The following PDZD2 variants were observed in gnomAD, a reference collection of about 807,000 sequenced individuals.
PDZD2 encodes PDZ domain-containing protein 2.
A neutral mutation model predicts 220.7 loss-of-function variants in PDZD2; 90 were observed. That is an observed-to-expected ratio of 0.41 (90% CI 0.34 to 0.49). PDZD2 has a LOEUF of 0.49. PDZD2 is among the 20% of genes least tolerant of loss of function. PDZD2 has a pLI of 0.28. For missense variants in PDZD2, 3,174 were observed against 3,608.5 expected (o/e 0.88, Z 3.08); for synonymous variants, 1,375 against 1,450.5 (o/e 0.95, Z 1.18).
chr5:32,037,162 T>C (rs1755623218), intron 6 of PDZD2, 69 bp from the exon 7 acceptor site: 1 of 936,614 alleles, frequency 1.1e-6, no homozygotes, highest in Non-Finnish European at 1.7e-6. Context: ...GATAACATTG[T>C]GGAGGGGGAC....
rs375967828 is a variant in PDZD2, at chr5:31,927,940, T to A, written c.477-55215T>A. 2.3e-4 allele frequency among the ~76,000 whole-genome samples: 35 copies of A among 152,212 alleles called. 1 individual carries two copies. In the East Asian group the frequency reaches 4.8e-3, roughly 21 times the overall value. On this transcript the variant is annotated intron_variant, in intron 2 of 24. Coordinates refer to ENST00000438447, the MANE Select transcript of PDZD2 (RefSeq NM_178140.4). ...TTCACAGGGTGACTCATTGCCTTCCTCCATCTTCACCAAGATGGCTCCTTC... is the reference window on the plus strand; with the variant it reads ...TTCACAGGGTGACTCATTGCCTTCCACCATCTTCACCAAGATGGCTCCTTC...
intron 19 of PDZD2, among the ~76,000 whole-genome samples, chr5:32,084,036 C>T (rs1485086406): frequency 6.6e-6 from 1 of 152,134 alleles, no homozygotes; most frequent in Non-Finnish European, 1.5e-5. Context: ...TTGCTACTCC[C>T]CACCACCACC....
At chr5:31,683,207 T>TA (rs35467814) in intron 1 of PDZD2, among the ~76,000 whole-genome samples, 28,697 of 128,824 alleles carry the variant, frequency 0.22, 3,406 homozygotes, top group African/African-American at 0.29. Flanking sequence ...ATCAGAATGT[T>TA]AAAAAAAAAA....
intron 2 of PDZD2, among the ~76,000 whole-genome samples, chr5:31,858,033 C>G (rs1307754193): frequency 6.6e-6 from 1 of 152,140 alleles, no homozygotes; most frequent in Non-Finnish European, 1.5e-5. Flanking sequence ...ACTGTGTTGG[C>G]TAGGCTGGTC....
chr5:31,745,656 T>G (rs1416028669), intron 1 of PDZD2, among the ~76,000 whole-genome samples: 1 of 152,174 alleles, frequency 6.6e-6, no homozygotes, highest in Non-Finnish European at 1.5e-5. Context: ...CCTTCCTGTT[T>G]TAGCATCTTC....
intron 6 of PDZD2, among the ~76,000 whole-genome samples, chr5:32,019,133 G>A (rs1753996264): frequency 1.5e-5 from 2 of 131,056 alleles, no homozygotes; most frequent in African/African-American, 2.7e-5. Flanking sequence ...CATTTGCATA[G>A]AAAAGCTTTT....
intron 2 of PDZD2, among the ~76,000 whole-genome samples, chr5:31,865,719 C>T (rs1212723117): frequency 4.3e-4 from 64 of 147,864 alleles, no homozygotes; most frequent in Middle Eastern, 6.9e-3. Context: ...CTGCAAGCTC[C>T]GCCTCCCGGG....
intron 1 of PDZD2, among the ~76,000 whole-genome samples, chr5:31,712,963 A>C (rs1748215216): frequency 6.6e-6 from 1 of 152,208 alleles, no homozygotes; most frequent in South Asian, 2.1e-4. Context: ...TGTTCCTTGC[A>C]TTCTGTAGTA....
At chr5:31,761,049 G>A (rs981638646) in intron 1 of PDZD2, among the ~76,000 whole-genome samples, 1 of 152,184 alleles carries the variant, frequency 6.6e-6, no homozygotes, top group Non-Finnish European at 1.5e-5. Context: ...ACTCCGTGTG[G>A]GGAGGGGCAC....
At chr5:32,069,529 AAAT>A in intron 14 of PDZD2, 37 bp from the exon 15 acceptor site, 1 of 1,160,674 alleles carries the variant, frequency 8.6e-7, no homozygotes, top group Non-Finnish European at 1.3e-6. Context: ...AGAAATAAAT[AAAT>A]AAAACCATCT....
chr5:32,015,370 C>T (rs530595618), intron 6 of PDZD2, among the ~76,000 whole-genome samples: 17 of 152,288 alleles, frequency 1.1e-4, no homozygotes, highest in African/African-American at 4.1e-4. Flanking sequence ...CCTCAGCCTC[C>T]TGAGTAGCTG....
chr5:31,845,176 G>A (rs971405652), intron 2 of PDZD2, among the ~76,000 whole-genome samples: 1 of 152,152 alleles, frequency 6.6e-6, no homozygotes, highest in Non-Finnish European at 1.5e-5. Flanking sequence ...GGAAGGGTGT[G>A]TAAAATACCT....
At chr5:31,762,489 T>C (rs1405854995) in intron 1 of PDZD2, among the ~76,000 whole-genome samples, 1 of 152,196 alleles carries the variant, frequency 6.6e-6, no homozygotes, top group African/African-American at 2.4e-5. Flanking sequence ...GGTTTCACCA[T>C]GTTGGTCAGG....
chr5:31,826,989 A>G (rs1022169767), intron 2 of PDZD2, among the ~76,000 whole-genome samples: 2 of 152,170 alleles, frequency 1.3e-5, no homozygotes, highest in Admixed American at 6.5e-5. Flanking sequence ...TATGCCAAAT[A>G]GTGTGTCTGT....
At chr5:31,950,005 G>A (rs1420712383) in intron 2 of PDZD2, among the ~76,000 whole-genome samples, 1 of 152,056 alleles carries the variant, frequency 6.6e-6, no homozygotes, top group Non-Finnish European at 1.5e-5. Flanking sequence ...TTTAATGCCA[G>A]AACTGCATCA....
chr5:31,794,729 A>T (rs187600223), intron 1 of PDZD2, among the ~76,000 whole-genome samples: 221 of 151,936 alleles, frequency 1.5e-3, no homozygotes, highest in African/African-American at 3.9e-3. Flanking sequence ...CTTTTAAAAA[A>T]TTTTTTTTTA....
At chr5:31,844,026 G>T (rs1167628053) in intron 2 of PDZD2, 1 of 152,184 alleles carries the variant, frequency 6.6e-6, no homozygotes, top group Non-Finnish European at 1.5e-5. Context: ...ATTTCCTAGA[G>T]TTGGAGAACA....
At chr5:31,845,122 A>G (rs1012757381) in intron 2 of PDZD2, among the ~76,000 whole-genome samples, 2 of 152,224 alleles carry the variant, frequency 1.3e-5, no homozygotes, top group Admixed American at 1.3e-4. Context: ...CAATCGGACT[A>G]TCAAACATCT....
intron 1 of PDZD2, among the ~76,000 whole-genome samples, chr5:31,691,714 T>C: frequency 6.6e-6 from 1 of 152,132 alleles, no homozygotes; most frequent in Non-Finnish European, 1.5e-5. Context: ...CATGTCCCCA[T>C]CAGATTAGCT....
Sources: allele counts gnomAD v4.1 joint callset (sites outside exome capture counted in the v4.1 genomes callset), GRCh38; gene constraint gnomAD v4.1.1; transcripts MANE v1.5; gene names NCBI Gene and HGNC (gene_info 2026-07-23, HGNC 2026-07-21).